Variants in CRMP1 observed in about 807,000 individuals in gnomAD.
CRMP1 encodes collapsin response mediator protein 1.
CRMP1 carries 19 observed loss-of-function variants against 68.3 expected under a neutral mutation model. The observed-to-expected ratio is 0.28, with a 90% CI of 0.19 to 0.41. The LOEUF is 0.41. Among genes scored for constraint, CRMP1 ranks in the 10% least tolerant of loss-of-function variants. The pLI, the probability that CRMP1 is intolerant of heterozygous loss-of-function variation, is 1.00. For missense variants in CRMP1, 791 were observed against 967.4 expected, an observed-to-expected ratio of 0.82 and a Z score of 2.42; for synonymous variants, 439 against 399.6, an observed-to-expected ratio of 1.10 and a Z score of -1.18.
rs1337432692 is a variant in CRMP1, at chr4:5,850,429, A to G, written c.883-957T>C. On this transcript the variant is annotated intron_variant, in intron 5 of 13. Transcript: ENST00000324989. The surrounding 1 kb of genome is among the most constrained non-coding windows in gnomAD (Gnocchi z 4.4). ...TCTTTGAGTGTCTTTTGTTGACTGT[A>G]TCAAAGGCCTCCAGGACATCTTGGG... 6.6e-6 allele frequency among the ~76,000 whole-genome samples: 1 copy of G among 152,176 alleles called. No homozygotes were observed. Among genetic ancestry groups the G allele is most frequent in the African/African-American group, 2.4e-5 (1 of 41,442 alleles).
rs1715985171 is a variant in CRMP1 at position 5,892,270 on chromosome 4, C to T, written c.381+319G>A. On this transcript the variant is annotated intron_variant, in intron 1 of 13. Transcript: ENST00000324989. This position sits in a 1 kb window ranked among gnomAD's most constrained non-coding sequence, Gnocchi z 8.6. ...TAGATTCATCCCAGAGGTTCCTTCG[C>T]GTTTAAGCGTCCATGCGGTAGCTTT... Among the ~76,000 whole-genome samples the T allele has an allele frequency of 6.6e-6, 1 of 152,218 alleles. No individual in the cohort carries two copies.
rs1470410742 is a variant in CRMP1, at chr4:5,888,918, G to A, written c.381+3671C>T. On this transcript the variant is annotated intron_variant, in intron 1 of 13. Coordinates refer to ENST00000324989, the MANE Select transcript of CRMP1 (RefSeq NM_001014809.3). This position sits in a 1 kb window ranked among gnomAD's most constrained non-coding sequence, Gnocchi z 6.4. ...CCCTCCAGGATCGCGCCCAAGGACCGCTCCCCTCTTGCCTCTCCTTCCATA... is the reference window on the plus strand; with the variant it reads ...CCCTCCAGGATCGCGCCCAAGGACCACTCCCCTCTTGCCTCTCCTTCCATA... Among the ~76,000 whole-genome samples, 22 of 151,832 alleles carry A rather than the reference G, an allele frequency of 1.4e-4. No individual in the cohort carries two copies. The highest frequency in any genetic ancestry group is 1.4e-3 in the Admixed American group (22 of 15,254).
In CRMP1 at chr4:5,839,689, G is replaced by T; in HGVS notation, c.1154-11C>A. ...CAAAAACTAGGGGCCCTTAGGAGGG[G>T]AAAACATAAGCCTGGTTAAAAGCAA... On this transcript the variant is annotated splice_polypyrimidine_tract_variant and intron_variant, in intron 8 of 13. Transcript: ENST00000324989. 1 of 1,549,354 alleles carries T rather than the reference G, an allele frequency of 6.5e-7. No individual in the cohort carries two copies. The highest frequency in any genetic ancestry group is 1.1e-5 in the South Asian group (1 of 87,826).
chr4:5,863,093 C>G (rs1431467368), intron 2 of CRMP1, among the ~76,000 whole-genome samples: 1 of 150,420 alleles, frequency 6.6e-6, no homozygotes, highest in Non-Finnish European at 1.5e-5. Context: ...AACAAACATG[C>G]CTGACCTTTT....
rs142476894 is a variant in CRMP1, at chr4:5,837,866, A to T, written c.1311-960T>A. The stretch of plus-strand genomic sequence containing the variant: ...AACAAAATTGTGTTGCATGCTTCCT[A>T]TGTGCCCGGTACAATTTAAGGAATG... On this transcript the variant is annotated intron_variant, in intron 9 of 13. Coordinates refer to ENST00000324989, the MANE Select transcript of CRMP1 (RefSeq NM_001014809.3). 7.2e-4 allele frequency among the ~76,000 whole-genome samples: 110 copies of T among 152,176 alleles called. 1 individual carries two copies. Among genetic ancestry groups the T allele is most frequent in the African/African-American group, 2.6e-3 (108 of 41,524 alleles).
intron 13 of CRMP1, chr4:5,824,213 T>C: frequency 1.2e-6 from 1 of 812,034 alleles, no homozygotes. Flanking sequence ...CTTGAGAGCT[T>C]GTGTCTTGTT....
chr4:5,835,420 A>G (rs1720665495), intron 11 of CRMP1, among the ~76,000 whole-genome samples: 1 of 152,220 alleles, frequency 6.6e-6, no homozygotes, highest in African/African-American at 2.4e-5. Context: ...TAAGATACAA[A>G]GCAGAGAAGG....
chr4:5,848,503 TC>T (rs1305815977), intron 6 of CRMP1, among the ~76,000 whole-genome samples: 3 of 152,192 alleles, frequency 2.0e-5, no homozygotes, highest in African/African-American at 7.2e-5. Context: ...TTCATTCTTT[TC>T]CCAACAAATT....
Position 5,861,814 on chromosome 4 carries a change from A to G in CRMP1, c.471-604T>C, listed in dbSNP as rs797013398. The stretch of plus-strand genomic sequence containing the variant: ...AGCATCCAAGGTTAAGGTCTGGCTC[A>G]GACCATGAGATCTGACTGTGGGTGA... On this transcript the variant is annotated intron_variant, in intron 2 of 13. Coordinates refer to ENST00000324989, the MANE Select transcript of CRMP1 (RefSeq NM_001014809.3). The surrounding 1 kb of genome is among the most constrained non-coding windows in gnomAD (Gnocchi z 6.0). Among the ~76,000 whole-genome samples, 5 of 152,342 alleles carry G rather than the reference A, an allele frequency of 3.3e-5. No individual in the cohort carries two copies. Among genetic ancestry groups the G allele is most frequent in the African/African-American group, 1.2e-4 (5 of 41,574 alleles).
chr4:5,890,017 G>A lies in CRMP1; in HGVS notation c.381+2572C>T, dbSNP rs1715867590. Reference sequence around the variant, plus strand: ...CAGCAAAGCAGCATGGAGATGCCAGGTTCCCCTACACTCTGTTTACAACTC... The same window carrying A: ...CAGCAAAGCAGCATGGAGATGCCAGATTCCCCTACACTCTGTTTACAACTC... On this transcript the variant is annotated intron_variant, in intron 1 of 13. Coordinates refer to ENST00000324989, the MANE Select transcript of CRMP1 (RefSeq NM_001014809.3). The surrounding 1 kb of genome is among the most constrained non-coding windows in gnomAD (Gnocchi z 5.5). 2.3e-6 allele frequency: 2 copies of A among 873,928 alleles called. No individual in the cohort carries two copies. Among genetic ancestry groups the A allele is most frequent in the South Asian group, 2.7e-5 (1 of 37,166 alleles). 54.1% of individuals were successfully genotyped at this position (873,928 alleles called of 1,614,324 possible).
At chr4:5,832,897 A>G (rs1211256083) in intron 11 of CRMP1, among the ~76,000 whole-genome samples, 4 of 152,186 alleles carry the variant, frequency 2.6e-5, no homozygotes, top group Non-Finnish European at 5.9e-5. Flanking sequence ...TTTTGCAGGT[A>G]TAATTAGGTA....
At position 5,859,271 on chromosome 4, in the gene CRMP1, G is replaced by A. The variant is rs1046211322; in HGVS notation, c.655+1755C>T. ...ACTGTTGTCCTCGTGTGCTTTCATA[G>A]GCTCTTGTTCCATGAAACACACTTT... On this transcript the variant is annotated intron_variant, in intron 3 of 13. Transcript: ENST00000324989. This position sits in a 1 kb window ranked among gnomAD's most constrained non-coding sequence, Gnocchi z 5.2. Among the ~76,000 whole-genome samples, 7 of 152,184 alleles carry A rather than the reference G, an allele frequency of 4.6e-5. No individual in the cohort carries two copies. The highest frequency in any genetic ancestry group is 1.7e-4 in the African/African-American group (7 of 41,442).
chr4:5,872,034 T>C lies in CRMP1; in HGVS notation c.382-5278A>G, dbSNP rs1383642262. Among the ~76,000 whole-genome samples the C allele has an allele frequency of 6.6e-6, 1 of 152,186 alleles. No individual in the cohort carries two copies. Among genetic ancestry groups the C allele is most frequent in the East Asian group, 1.9e-4 (1 of 5,192 alleles). On this transcript the variant is annotated intron_variant, in intron 1 of 13. Coordinates refer to ENST00000324989, the MANE Select transcript of CRMP1 (RefSeq NM_001014809.3). This position sits in a 1 kb window ranked among gnomAD's most constrained non-coding sequence, Gnocchi z 4.6. Reference sequence around the variant, plus strand: ...GCAGGCTAGAGCCAAGGGTTCCTAATGGCCTGTCCAGCATTCCAGCCACCA... The same window carrying C: ...GCAGGCTAGAGCCAAGGGTTCCTAACGGCCTGTCCAGCATTCCAGCCACCA...
chr4:5,888,307 G>A lies in CRMP1; in HGVS notation c.381+4282C>T, dbSNP rs1715750617. 1 of 1,252,464 alleles carries A rather than the reference G, an allele frequency of 8.0e-7. No homozygotes were observed. The highest frequency in any genetic ancestry group is 1.0e-6 in the Non-Finnish European group (1 of 992,908). The allele number at this position is 1,252,464 out of a possible 1,614,324, so 77.6% of individuals were successfully genotyped here. On this transcript the variant is annotated intron_variant, in intron 1 of 13. Transcript: ENST00000324989. This position sits in a 1 kb window ranked among gnomAD's most constrained non-coding sequence, Gnocchi z 6.4. ...CCTCGGCCCGGCCGCTGACCTGCGG[G>A]GCTGTCTGACTGGAACCGGCGCTCT...
intron 13 of CRMP1, among the ~76,000 whole-genome samples, chr4:5,822,739 G>A (rs992876383): frequency 6.6e-6 from 1 of 152,178 alleles, no homozygotes; most frequent in Admixed American, 6.5e-5. Context: ...ATCAAAAAGA[G>A]AAAGCAAATA....
chr4:5,869,919 T>C (rs368779592), intron 1 of CRMP1, among the ~76,000 whole-genome samples: 1 of 152,100 alleles, frequency 6.6e-6, no homozygotes, highest in African/African-American at 2.4e-5. Flanking sequence ...CAAGGCCATC[T>C]GAGGAAGTGC....
rs1490625310 is a variant in CRMP1 at position 5,841,916 on chromosome 4, C to G, written c.1033-488G>C. On this transcript the variant is annotated intron_variant, in intron 7 of 13. Coordinates refer to ENST00000324989, the MANE Select transcript of CRMP1 (RefSeq NM_001014809.3). The surrounding 1 kb of genome is among the most constrained non-coding windows in gnomAD (Gnocchi z 6.9). ...CTCAACTTGGCCAGGCACGGTGGCT[C>G]ACACCTGTAATCCCAGCACTTTGGG... Among the ~76,000 whole-genome samples, 1 of 152,214 alleles carries G rather than the reference C, an allele frequency of 6.6e-6. No individual in the cohort carries two copies. The highest frequency in any genetic ancestry group is 2.4e-5 in the African/African-American group (1 of 41,450).
chr4:5,873,141 G>A (rs1367815193), intron 1 of CRMP1, among the ~76,000 whole-genome samples: 1 of 152,174 alleles, frequency 6.6e-6, no homozygotes, highest in East Asian at 1.9e-4. Flanking sequence ...GGGTGCTCAG[G>A]CCAGTGAGGG....
At position 5,838,700 on chromosome 4, in the gene CRMP1, G is replaced by A. The variant is rs76301144; in HGVS notation, c.1310+822C>T. On this transcript the variant is annotated intron_variant, in intron 9 of 13. Coordinates refer to ENST00000324989, the MANE Select transcript of CRMP1 (RefSeq NM_001014809.3). This position sits in a 1 kb window ranked among gnomAD's most constrained non-coding sequence, Gnocchi z 4.9. ...AGATGTTGAGTAAGCCCTTGGCTAC[G>A]CTAGTCAAAGGTTTCTGTATCATCA... Among the ~76,000 whole-genome samples the A allele has an allele frequency of 2.3e-3, 355 of 152,244 alleles. 1 individual carries two copies. The highest frequency in any genetic ancestry group is 3.9e-3 in the Non-Finnish European group (263 of 68,014).
Sources: allele counts gnomAD v4.1 joint callset (sites outside exome capture counted in the v4.1 genomes callset), GRCh38; gene constraint gnomAD v4.1.1; non-coding constraint Gnocchi (gnomAD v3.1); transcripts MANE v1.5; gene names NCBI Gene and HGNC (gene_info 2026-07-23, HGNC 2026-07-21).